The following TMEM176A variants were observed in gnomAD, a reference collection of about 807,000 sequenced individuals.
TMEM176A encodes the protein hepatocellular carcinoma-associated antigen 112.
TMEM176A carries 20 observed loss-of-function variants against 27.9 expected under a neutral mutation model. That is an observed-to-expected ratio of 0.72 (90% confidence interval 0.50 to 1.04). The LOEUF (loss-of-function observed/expected upper bound fraction) is 1.04. Among genes scored for constraint, TMEM176A ranks in the 50% least tolerant of loss-of-function variants. The probability of loss-of-function intolerance (pLI) is 0.00; values close to 1 mark genes in which losing one functional copy is unlikely to be tolerated. For missense variants in TMEM176A, 252 were observed against 289.1 expected (o/e 0.87, Z 0.93); for synonymous variants, 125 against 118.0 (o/e 1.06, Z -0.38).
chr7:150,804,468 A>C lies in TMEM176A; in HGVS notation c.662A>C (p.Lys221Thr), dbSNP rs1375623332. ...WLYCWRMFPT[K>T]GKRDQKEMLE... ...TACTGCTGGAGAATGTTCCCAACCA[A>C]AGGGGTGAGTCCCTAAGGTGTGTGC... is the stretch of plus-strand genomic sequence containing the variant. The change falls in exon 6 of 7, where the codon AAA becomes ACA. Residue 221 changes from lysine to threonine, a missense_variant. Physicochemically the swap from Lys to Thr is moderately conservative, Grantham distance 78. Transcript: ENST00000004103. 1.9e-6 allele frequency: 3 copies of C among 1,612,478 alleles called. No individual in the cohort carries two copies. The highest frequency in any genetic ancestry group is 2.7e-5 in the African/African-American group (2 of 74,982).
intron 2 of TMEM176A, 126 bp from the exon 3 acceptor site, chr7:150,802,089 C>A: frequency 2.9e-6 from 2 of 683,132 alleles, no homozygotes; most frequent in Non-Finnish European, 2.5e-6. Flanking sequence ...CTCTTCTCTT[C>A]TCTTCTCTTC....
At chr7:150,803,346 G>A in intron 3 of TMEM176A, 54 bp from the exon 4 acceptor site, 2 of 1,517,058 alleles carry the variant, frequency 1.3e-6, no homozygotes, top group South Asian at 2.7e-5. Context: ...TCTCTCGTGG[G>A]AGAGGAGTTG....
At position 150,801,748 on chromosome 7, in the gene TMEM176A, C is replaced by A. The variant is rs2075079; in HGVS notation, c.174+24C>A. 7.4e-6 allele frequency: 11 copies of A among 1,478,660 alleles called. No individual in the cohort carries two copies. The South Asian group carries it at 1.5e-4, about 20-fold the overall frequency. The allele number at this position is 1,478,660 out of a possible 1,614,324, so 91.6% of individuals were successfully genotyped here. A position where few individuals can be genotyped will look rare whatever the true frequency, so the allele number is the denominator to read the frequency against. On this transcript the variant is annotated intron_variant, in intron 2 of 6. Coordinates refer to ENST00000004103, the MANE Select transcript of TMEM176A (RefSeq NM_018487.3). The stretch of plus-strand genomic sequence containing the variant: ...GGGTGAGTGTGACGGCCTGCCTCGT[C>A]GGGCGGCGGGAGGAACTCCCCACCT...
chr7:150,801,529 C>T lies in TMEM176A; in HGVS notation c.-15-7C>T. On this transcript the variant is annotated splice_region_variant and splice_polypyrimidine_tract_variant and intron_variant, in intron 1 of 6. Coordinates refer to ENST00000004103, the MANE Select transcript of TMEM176A (RefSeq NM_018487.3). ...GCCGTTCCTCTCTGGTGCTCCCTTC[C>T]TCATAGACTGTGTCCCTGACAATGG... is the stretch of plus-strand genomic sequence containing the variant. 6.3e-7 allele frequency: 1 copy of T among 1,580,280 alleles called. No individual in the cohort carries two copies. The highest frequency in any genetic ancestry group is 8.6e-7 in the Non-Finnish European group (1 of 1,167,846).
chr7:150,801,038 C>A, intron 1 of TMEM176A: 1 of 969,378 alleles, frequency 1.0e-6, no homozygotes. Context: ...GCGGCGTGAA[C>A]CCGTCGGGCG....
rs1584762213 is a variant in TMEM176A, at chr7:150,805,083, G to T, written c.*215G>T. 1.7e-6 allele frequency: 1 copy of T among 573,514 alleles called. No individual in the cohort carries two copies. Among genetic ancestry groups the T allele is most frequent in the Admixed American group, 3.0e-5 (1 of 32,902 alleles). The allele number at this position is 573,514 out of a possible 1,614,324, so 35.5% of individuals were successfully genotyped here. A position where few individuals can be genotyped will look rare whatever the true frequency, so the allele number is the denominator to read the frequency against. ...TCCGCTTCATGTCCCCTCCTGAGTA[G>T]TCATGTGATAATAAACTCTCATGTT... On this transcript the variant is annotated 3_prime_UTR_variant, in exon 7 of 7. Transcript: ENST00000004103.
Position 150,804,773 on chromosome 7 carries a change from G to C in TMEM176A, c.667-54G>C. ...AGAGCTAAGCTGCCCCTGGAGGAGA[G>C]ACTCCGCCCTTTCTCTCCCACTCAC... is the stretch of plus-strand genomic sequence containing the variant. On this transcript the variant is annotated intron_variant, in intron 6 of 6. Coordinates refer to ENST00000004103, the MANE Select transcript of TMEM176A (RefSeq NM_018487.3). The C allele has an allele frequency of 3.1e-6, 5 of 1,593,426 alleles. No homozygotes were observed. The South Asian group carries it at 5.5e-5, about 18-fold the overall frequency.
At chr7:150,801,821 G>C (rs537201053) in intron 2 of TMEM176A, 97 bp downstream of exon 2, 2 of 1,192,402 alleles carry the variant, frequency 1.7e-6, no homozygotes, top group Non-Finnish European at 2.3e-6. Context: ...ACAGGACACC[G>C]AGCCAGTTAT....
intron 2 of TMEM176A, 21 bp downstream of exon 2, chr7:150,801,745 C>A (rs750276866): frequency 6.8e-7 from 1 of 1,481,268 alleles, no homozygotes; most frequent in East Asian, 2.5e-5. Flanking sequence ...CGGCCTGCCT[C>A]GTCGGGCGGC....
At chr7:150,802,577 C>T (rs2116737703) in intron 3 of TMEM176A, 2 of 777,782 alleles carry the variant, frequency 2.6e-6, no homozygotes, top group East Asian at 6.6e-5. Context: ...CTGCCTTCAA[C>T]AGTTAATGTC....
intron 2 of TMEM176A, 141 bp from the exon 3 acceptor site, chr7:150,802,074 C>T (rs1017656797): frequency 2.2e-5 from 14 of 623,936 alleles, no homozygotes; most frequent in East Asian, 1.9e-4. Context: ...CTTTCTTCTC[C>T]TTTTCTCTTC....
In TMEM176A at chr7:150,802,324, TG is replaced by T; in HGVS notation, c.285+1del. ...GGAGCTGCCATCTGGACAGGGGCTGTGGTGAGTAGAGCAGGACAGTGCTTGA... is the reference window on the plus strand; with the variant it reads ...GGAGCTGCCATCTGGACAGGGGCTGTGTGAGTAGAGCAGGACAGTGCTTGA... ...TSGAAIWTGA[V>X]AVLAGAAAFI... is the part of the protein sequence containing the mutation. On this transcript the variant is annotated frameshift_variant and splice_region_variant, in exon 3 of 7. Coordinates refer to ENST00000004103, the MANE Select transcript of TMEM176A (RefSeq NM_018487.3). LOFTEE classifies it high-confidence loss of function. 6.2e-7 allele frequency: 1 copy of T among 1,613,934 alleles called. No individual in the cohort carries two copies.
Position 150,804,817 on chromosome 7 carries a change from C to T in TMEM176A, c.667-10C>T. 1 of 1,614,200 alleles carries T rather than the reference C, an allele frequency of 6.2e-7. No individual in the cohort carries two copies. The highest frequency in any genetic ancestry group is 8.5e-7 in the Non-Finnish European group (1 of 1,180,036). The stretch of plus-strand genomic sequence containing the variant: ...CACTCACGATTGTCTTGCCTTTCCT[C>T]TTCCATTAGAAAAGAGACCAGAAGG... On this transcript the variant is annotated splice_polypyrimidine_tract_variant and intron_variant, in intron 6 of 6. Coordinates refer to ENST00000004103, the MANE Select transcript of TMEM176A (RefSeq NM_018487.3).
intron 3 of TMEM176A, 25 bp from the exon 4 acceptor site, chr7:150,803,375 T>C (rs1313888188): frequency 6.5e-7 from 1 of 1,549,700 alleles, no homozygotes. Context: ...GTACTAAGCC[T>C]GCTCCTGGCT....
chr7:150,801,490 A>C (rs964231771), intron 1 of TMEM176A, 46 bp from the exon 2 acceptor site: 26 of 1,531,450 alleles, frequency 1.7e-5, no homozygotes, highest in African/African-American at 2.8e-5. Context: ...GAAATCTGCG[A>C]AAATCTTCTG....
chr7:150,803,322 G>A, intron 3 of TMEM176A, 78 bp from the exon 4 acceptor site: 2 of 1,501,554 alleles, frequency 1.3e-6, no homozygotes, highest in Non-Finnish European at 1.8e-6. Context: ...CTGGGGAAGG[G>A]CCTGCATGGA....
intron 1 of TMEM176A, chr7:150,801,124 G>C: frequency 2.9e-6 from 1 of 346,102 alleles, no homozygotes; most frequent in Non-Finnish European, 4.1e-6. Context: ...GGGCGCAGCT[G>C]CTGGCACAGG....
chr7:150,805,034 C>T lies in TMEM176A; in HGVS notation c.*166C>T. On this transcript the variant is annotated 3_prime_UTR_variant, in exon 7 of 7. Transcript: ENST00000004103. ...CCTGCTCCAGCAGCACTTGCCCATT[C>T]CTTACACCCCTTCCCCATCCTGCTC... 1 of 678,236 alleles carries T rather than the reference C, an allele frequency of 1.5e-6. No homozygotes were observed. The highest frequency in any genetic ancestry group is 2.6e-6 in the Non-Finnish European group (1 of 381,290). 42.0% of individuals were successfully genotyped at this position (678,236 alleles called of 1,614,324 possible).
chr7:150,803,487 C>T, intron 4 of TMEM176A, 31 bp downstream of exon 4: 7 of 1,577,348 alleles, frequency 4.4e-6, no homozygotes, highest in South Asian at 1.2e-5. Context: ...GGGAGGGGAC[C>T]AGGTTCAGGC....
Sources: allele counts gnomAD v4.1 joint callset, GRCh38; gene constraint gnomAD v4.1.1; transcripts MANE v1.5; gene names NCBI Gene and HGNC (gene_info 2026-07-23, HGNC 2026-07-21).